Variants in SHC4 observed in about 807,000 individuals in gnomAD.
SHC4 encodes the protein SHC-transforming protein 4.
Under a neutral mutation model 69.4 loss-of-function variants are expected in SHC4, and 41 were observed. The observed-to-expected ratio is 0.59, with a 90% CI of 0.46 to 0.77. SHC4 has a LOEUF of 0.77. SHC4 is among the 30% of genes least tolerant of loss of function. The pLI is 0.00. For missense variants in SHC4, 777 were observed against 783.8 expected, an observed-to-expected ratio of 0.99 and a Z score of 0.10; for synonymous variants, 318 against 299.3, an observed-to-expected ratio of 1.06 and a Z score of -0.64.
chr15:48,940,985 C>G (rs1901165142), intron 1 of SHC4, among the ~76,000 whole-genome samples: 1 of 152,270 alleles, frequency 6.6e-6, no homozygotes, highest in South Asian at 2.1e-4. Context: ...TTGTCTGTAC[C>G]TGGAGCAGTG....
chr15:48,962,753 G>A lies in SHC4; in HGVS notation c.263C>T (p.Pro88Leu), dbSNP rs755748524. The A allele has an allele frequency of 5.0e-6, 8 of 1,613,192 alleles. No homozygotes were observed. The Admixed American group carries it at 1.3e-4, about 27-fold the overall frequency. ...ESPTPLCTLIPRMASMKLANP... is the reference protein window; with the variant it reads ...ESPTPLCTLILRMASMKLANP... Reference sequence around the variant, plus strand: ...GGCCAGCTTCATGCTTGCCATGCGGGGGATCAAGGTGCACAGTGGGGTGGG... The same window carrying A: ...GGCCAGCTTCATGCTTGCCATGCGGAGGATCAAGGTGCACAGTGGGGTGGG... Residue 88 changes from proline to leucine, a missense_variant, in exon 1 of 12, where the codon CCC (proline) becomes CTC (leucine). Physicochemically the swap from Pro to Leu is moderately conservative, Grantham distance 98. Coordinates refer to ENST00000332408, the MANE Select transcript of SHC4 (RefSeq NM_203349.4).
At chr15:48,892,696 G>C (rs1900157047) in intron 2 of SHC4, among the ~76,000 whole-genome samples, 1 of 151,696 alleles carries the variant, frequency 6.6e-6, no homozygotes, top group Admixed American at 6.6e-5. Flanking sequence ...GGATGTTTTG[G>C]TCTAAAAATA....
At chr15:48,861,629 A>C (rs1236154672) in intron 6 of SHC4, among the ~76,000 whole-genome samples, 1 of 152,208 alleles carries the variant, frequency 6.6e-6, no homozygotes, top group East Asian at 1.9e-4. Context: ...CAAGTCACAA[A>C]AAAGAGGGTG....
chr15:48,859,981 C>G (rs1409779476), intron 6 of SHC4, among the ~76,000 whole-genome samples: 1 of 151,986 alleles, frequency 6.6e-6, no homozygotes. Flanking sequence ...CTCTAGTGTA[C>G]TGTGATCACA....
chr15:48,874,473 T>G (rs1253628362), intron 4 of SHC4, among the ~76,000 whole-genome samples: 1 of 130,694 alleles, frequency 7.7e-6, no homozygotes, highest in Non-Finnish European at 1.8e-5. Flanking sequence ...CTGCTCCCCG[T>G]TGCTCACATT....
chr15:48,834,817 T>C lies in SHC4; in HGVS notation c.1689A>G (p.Leu563=). Reference sequence around the variant, plus strand: ...GAAGATGTTTTGCTTGGCCTCCCTGTAGTCCACTCAGCACATATTGGCCAG... The same window carrying C: ...GAAGATGTTTTGCTTGGCCTCCCTGCAGTCCACTCAGCACATATTGGCCAG... ...TSPGQYVLSG[L]QGGQAKHLLL... The change falls in exon 11 of 12, where the codon CTA becomes CTG. Residue 563 remains leucine, a synonymous_variant. Transcript: ENST00000332408. 2 of 1,614,174 alleles carry C rather than the reference T, an allele frequency of 1.2e-6. No individual in the cohort carries two copies. Among genetic ancestry groups the C allele is most frequent in the East Asian group, 2.2e-5 (1 of 44,880 alleles).
At chr15:48,833,457 C>T (rs1037895684) in intron 11 of SHC4, among the ~76,000 whole-genome samples, 1 of 152,174 alleles carries the variant, frequency 6.6e-6, no homozygotes, top group Admixed American at 6.5e-5. Context: ...GGACAGATAA[C>T]TGGTTTATCA....
intron 2 of SHC4, among the ~76,000 whole-genome samples, chr15:48,895,393 G>A (rs762360787): frequency 1.3e-5 from 2 of 152,146 alleles, no homozygotes; most frequent in Non-Finnish European, 2.9e-5. Flanking sequence ...AGAGACTAGG[G>A]AAAGTAGTAT....
chr15:48,904,940 A>AACAC (rs71650107), intron 2 of SHC4, among the ~76,000 whole-genome samples: 17,951 of 144,634 alleles, frequency 0.12, 1,119 homozygotes, highest in East Asian at 0.17. Flanking sequence ...ACACAGACAC[A>AACAC]ACACACACAC....
At chr15:48,939,464 A>T (rs1477707985) in intron 1 of SHC4, among the ~76,000 whole-genome samples, 2 of 152,270 alleles carry the variant, frequency 1.3e-5, no homozygotes, top group Non-Finnish European at 2.9e-5. Flanking sequence ...GTCCAGGGAT[A>T]TGGCTGAGAT....
At chr15:48,833,084 G>A (rs1898834606) in intron 11 of SHC4, among the ~76,000 whole-genome samples, 1 of 152,096 alleles carries the variant, frequency 6.6e-6, no homozygotes, top group Non-Finnish European at 1.5e-5. Flanking sequence ...ATGTTTCCCT[G>A]ATTCTTTTTG....
chr15:48,924,801 G>A, intron 2 of SHC4, 78 bp downstream of exon 2: 1 of 1,459,662 alleles, frequency 6.9e-7, no homozygotes, highest in Non-Finnish European at 9.6e-7. Flanking sequence ...TGGAAGGTTT[G>A]CATAAAATTC....
At chr15:48,835,153 G>T in intron 10 of SHC4, 131 bp from the exon 11 acceptor site, 1 of 1,190,170 alleles carries the variant, frequency 8.4e-7, no homozygotes, top group East Asian at 2.6e-5. Flanking sequence ...ATACTGCTTG[G>T]GGAACAAATG....
At chr15:48,924,005 C>A (rs1454220413) in intron 2 of SHC4, among the ~76,000 whole-genome samples, 1 of 152,114 alleles carries the variant, frequency 6.6e-6, no homozygotes, top group Non-Finnish European at 1.5e-5. Context: ...CCTTTCGCTA[C>A]ATTTTTTGAC....
In SHC4 at chr15:48,963,613, C is replaced by T. The variant is rs116202521; in HGVS notation, c.-598G>A. Among the ~76,000 whole-genome samples, 91 of 152,286 alleles carry T rather than the reference C, an allele frequency of 6.0e-4. No homozygotes were observed. The highest frequency in any genetic ancestry group is 2.1e-3 in the African/African-American group (89 of 41,550). ...TGGGTTCGTTGATTCCAAAGGCTGC[C>T]CTCTCTTGGAAGATCTTGTCTTGCA... On this transcript the variant is annotated 5_prime_UTR_variant, in exon 1 of 12. Coordinates refer to ENST00000332408, the MANE Select transcript of SHC4 (RefSeq NM_203349.4).
Position 48,890,903 on chromosome 15 carries a change from A to C in SHC4, c.657-92T>G. ...ATGTTAGAAATTATCACGACCAAAA[A>C]GTACACATACATAATAGTGAGTCTA... On this transcript the variant is annotated intron_variant, in intron 2 of 11. Transcript: ENST00000332408. 4 of 1,325,696 alleles carry C rather than the reference A, an allele frequency of 3.0e-6. No homozygotes were observed. The South Asian group carries it at 3.6e-5, about 12-fold the overall frequency. 82.1% of individuals were successfully genotyped at this position (1,325,696 alleles called of 1,614,324 possible).
chr15:48,962,524 C>A lies in SHC4; in HGVS notation c.492G>T (p.Pro164=). The part of the protein sequence containing the change: ...RATALTPDSC[P]LPGPGEPTLR... ...GTGTTGGCTCCCCAGGGCCAGGAAG[C>A]GGGCACGAATCAGGGGTTAGGGCGG... is the stretch of plus-strand genomic sequence containing the variant. The change falls in exon 1 of 12, where the codon CCG becomes CCT. Residue 164 remains proline (P), a synonymous_variant. Coordinates refer to ENST00000332408, the MANE Select transcript of SHC4 (RefSeq NM_203349.4). 2 of 1,589,058 alleles carry A rather than the reference C, an allele frequency of 1.3e-6. No individual in the cohort carries two copies. Among genetic ancestry groups the A allele is most frequent in the Non-Finnish European group, 1.7e-6 (2 of 1,167,356 alleles).
chr15:48,875,078 CA>C (rs1406048250), intron 4 of SHC4, among the ~76,000 whole-genome samples: 1 of 152,162 alleles, frequency 6.6e-6, no homozygotes, highest in Non-Finnish European at 1.5e-5. Flanking sequence ...AGACTGCCAA[CA>C]AAAATAAAGC....
intron 4 of SHC4, among the ~76,000 whole-genome samples, chr15:48,883,119 T>C (rs1257125163): frequency 6.6e-6 from 1 of 152,200 alleles, no homozygotes; most frequent in East Asian, 1.9e-4. Flanking sequence ...GATAATTTTA[T>C]AATCTTATAA....
Sources: gnomAD v4.1 joint callset for allele counts (sites outside exome capture counted in the v4.1 genomes callset) on GRCh38, gnomAD v4.1.1 for gene constraint, MANE v1.5 for transcripts, NCBI Gene and HGNC (gene_info 2026-07-23, HGNC 2026-07-21) for gene names.